The following LYPLA1 variants were observed in gnomAD, a reference collection of about 807,000 sequenced individuals.
LYPLA1 encodes acyl-protein thioesterase 1.
Under a neutral mutation model 34.0 loss-of-function variants are expected in LYPLA1, and 17 were observed. The observed-to-expected ratio is 0.50, with a 90% CI of 0.34 to 0.75. The LOEUF (loss-of-function observed/expected upper bound fraction) is 0.75. Among genes scored for constraint, LYPLA1 ranks in the 30% least tolerant of loss-of-function variants. The pLI, the probability that LYPLA1 is intolerant of heterozygous loss-of-function variation, is 0.01. For synonymous variants in LYPLA1, 98 were observed against 100.8 expected (o/e 0.97, Z 0.17); for missense variants, 203 against 288.8 (o/e 0.70, Z 2.15).
rs1349718550 is a variant in LYPLA1 at position 54,050,997 on chromosome 8, C to T, written c.639+15G>A. 1.9e-6 allele frequency: 3 copies of T among 1,588,648 alleles called. No homozygotes were observed. In the African/African-American group the frequency reaches 4.0e-5, roughly 21 times the overall value. On this transcript the variant is annotated intron_variant, in intron 8 of 8. Coordinates refer to ENST00000316963, the MANE Select transcript of LYPLA1 (RefSeq NM_006330.4). ...GTTACAAATATGGCGCTGATCACTG[C>T]TTCTAGACACCTACCTGTTGACACG...
intron 2 of LYPLA1, among the ~76,000 whole-genome samples, 186 bp from the exon 3 acceptor site, chr8:54,065,999 C>T (rs1275037957): frequency 3.3e-5 from 5 of 152,080 alleles, no homozygotes; most frequent in African/African-American, 7.2e-5. Context: ...TACAGTGGCG[C>T]GATCTCGGCT....
chr8:54,089,625 C>G (rs1038428018), intron 2 of LYPLA1, among the ~76,000 whole-genome samples: 10 of 151,378 alleles, frequency 6.6e-5, no homozygotes, highest in Non-Finnish European at 2.9e-5. Flanking sequence ...TGTTTGCCAA[C>G]CTCTTTTTTT....
At chr8:54,093,466 C>T (rs1033221178) in intron 2 of LYPLA1, among the ~76,000 whole-genome samples, 15 of 152,058 alleles carry the variant, frequency 9.9e-5, no homozygotes, top group Admixed American at 2.6e-4. Context: ...CAAGGAAAGC[C>T]GGGAGTTATC....
intron 2 of LYPLA1, among the ~76,000 whole-genome samples, chr8:54,070,134 G>A (rs1025606677): frequency 6.6e-6 from 1 of 152,142 alleles, no homozygotes; most frequent in South Asian, 2.1e-4. Context: ...CTATTCCTAG[G>A]TCTATACCGA....
Position 54,068,785 on chromosome 8 carries a change from C to T in LYPLA1, c.102-2972G>A, listed in dbSNP as rs118081157. Among the ~76,000 whole-genome samples, 595 of 152,194 alleles carry T rather than the reference C, an allele frequency of 3.9e-3. 9 individuals are homozygous for T. Among genetic ancestry groups the T allele is most frequent in the Middle Eastern group, 3.4e-3 (1 of 294 alleles). On this transcript the variant is annotated intron_variant, in intron 2 of 8. Coordinates refer to ENST00000316963, the MANE Select transcript of LYPLA1 (RefSeq NM_006330.4). ...AGATCTGGCAATTTCTTAGATATAA[C>T]ATCAAAAGCACAACCGACAAGAAAA...
intron 7 of LYPLA1, 23 bp from the exon 8 acceptor site, chr8:54,051,211 T>C (rs752349909): frequency 1.9e-6 from 3 of 1,570,864 alleles, no homozygotes; most frequent in Non-Finnish European, 2.6e-6. Context: ...AAAGAAGAAA[T>C]AGTTTTATTT....
rs751276872 is a variant in LYPLA1 at position 54,074,593 on chromosome 8, G to A, written c.102-8780C>T. ...CTAGTTGCTAATGCAATTATTTAAT[G>A]CTAGACACTTTCATGATTTAACCCA... On this transcript the variant is annotated intron_variant, in intron 2 of 8. Transcript: ENST00000316963. Among the ~76,000 whole-genome samples, 10 of 152,192 alleles carry A rather than the reference G, an allele frequency of 6.6e-5. No homozygotes were observed. In the South Asian group the frequency reaches 1.4e-3, roughly 22 times the overall value.
At chr8:54,101,694 A>T in intron 1 of LYPLA1, 61 bp downstream of exon 1, 1 of 1,226,164 alleles carries the variant, frequency 8.2e-7, no homozygotes, top group Non-Finnish European at 1.0e-6. Context: ...ACCCCGCGCG[A>T]GGGGCAACCA....
chr8:54,069,403 A>T (rs1303934235), intron 2 of LYPLA1, among the ~76,000 whole-genome samples: 1 of 152,152 alleles, frequency 6.6e-6, no homozygotes, highest in African/African-American at 2.4e-5. Context: ...AAGTAAAAGG[A>T]AAAGAAAAAA....
At chr8:54,087,037 AG>A (rs1808846228) in intron 2 of LYPLA1, among the ~76,000 whole-genome samples, 1 of 152,214 alleles carries the variant, frequency 6.6e-6, no homozygotes, top group Admixed American at 6.5e-5. Context: ...GATTGTAGCC[AG>A]GGAAACTGGC....
chr8:54,070,976 C>T (rs1258511883), intron 2 of LYPLA1, among the ~76,000 whole-genome samples: 5 of 152,114 alleles, frequency 3.3e-5, no homozygotes, highest in Admixed American at 6.5e-5. Flanking sequence ...TCAAATTACA[C>T]ACTTTAAATG....
chr8:54,062,362 A>T, intron 4 of LYPLA1, 38 bp from the exon 5 acceptor site: 4 of 1,364,466 alleles, frequency 2.9e-6, no homozygotes, highest in Non-Finnish European at 4.1e-6. Context: ...TCTAAGAAAA[A>T]TCTATTATTG....
At position 54,046,515 on chromosome 8, in the gene LYPLA1, T is replaced by TAACA. The variant is rs1805499589; in HGVS notation, c.*1549_*1550insTGTT. 1.3e-5 allele frequency: 2 copies of TAACA among 152,630 alleles called. No homozygotes were observed. Among genetic ancestry groups the TAACA allele is most frequent in the African/African-American group, 4.8e-5 (2 of 41,476 alleles). The allele number at this position is 152,630 out of a possible 1,614,324, so 9.5% of individuals were successfully genotyped here. ...TGATTTGTAGAAGTGAAATAACAGT[T>TAACA]TATGTTCTTCAAGGTAAAGAAAAAT... On this transcript the variant is annotated 3_prime_UTR_variant, in exon 9 of 9. Coordinates refer to ENST00000316963, the MANE Select transcript of LYPLA1 (RefSeq NM_006330.4).
chr8:54,084,133 A>AAAAAAAAAAATAT (rs1373090573), intron 2 of LYPLA1, among the ~76,000 whole-genome samples: 2 of 120,480 alleles, frequency 1.7e-5, no homozygotes, highest in African/African-American at 9.2e-5. Context: ...AGAAAAAAAA[A>AAAAAAAAAAATAT]ATAAATAAAT....
chr8:54,065,876 C>T, intron 2 of LYPLA1, 63 bp from the exon 3 acceptor site: 2 of 1,020,974 alleles, frequency 2.0e-6, no homozygotes, highest in Non-Finnish European at 3.1e-6. Flanking sequence ...AAGTAAGTAG[C>T]AGAAGAGTAG....
intron 6 of LYPLA1, chr8:54,053,551 T>A: frequency 2.9e-5 from 13 of 455,276 alleles, no homozygotes; most frequent in South Asian, 2.0e-4. Context: ...ACCATGCCCA[T>A]GGGTTACTGC....
intron 5 of LYPLA1, among the ~76,000 whole-genome samples, chr8:54,060,183 C>T (rs1034009938): frequency 6.6e-6 from 1 of 151,894 alleles, no homozygotes; most frequent in Non-Finnish European, 1.5e-5. Flanking sequence ...TGGAGTGCAA[C>T]AGTGGGATCT....
chr8:54,095,597 A>G (rs912798305), intron 2 of LYPLA1, among the ~76,000 whole-genome samples: 1 of 152,246 alleles, frequency 6.6e-6, no homozygotes, highest in Non-Finnish European at 1.5e-5. Context: ...AAAACACATC[A>G]GTAACAACAA....
At position 54,100,959 on chromosome 8, in the gene LYPLA1, T is replaced by A; in HGVS notation, c.70-20A>T. On this transcript the variant is annotated intron_variant, in intron 1 of 8. Transcript: ENST00000316963. ...AATCACCTATAAGAGAAGAGGAAAATTAATAAGCAATGCCTAAATAAGCCC... is the reference window on the plus strand; with the variant it reads ...AATCACCTATAAGAGAAGAGGAAAAATAATAAGCAATGCCTAAATAAGCCC... 1.9e-6 allele frequency: 3 copies of A among 1,603,758 alleles called. No individual in the cohort carries two copies. Among genetic ancestry groups the A allele is most frequent in the Non-Finnish European group, 2.6e-6 (3 of 1,170,812 alleles).
Sources: allele counts gnomAD v4.1 joint callset (sites outside exome capture counted in the v4.1 genomes callset), GRCh38; gene constraint gnomAD v4.1.1; transcripts MANE v1.5; gene names NCBI Gene and HGNC (gene_info 2026-07-23, HGNC 2026-07-21).